TOP6BL: variants seen among roughly 807,000 people sequenced by gnomAD.
TOP6BL encodes TOP6B like initiator of meiotic double strand breaks, also known as type 2 DNA topoisomerase 6 subunit B-like.
the TOP6BL span, among the ~76,000 whole-genome samples, chr11:66,786,269 G>A: frequency 3.3e-5 from 5 of 151,560 alleles, no homozygotes; most frequent in South Asian, 8.3e-4. Context: ...CTGCACTGCA[G>A]CCTGGGTGAC....
chr11:66,837,098 A>G, the TOP6BL span, among the ~76,000 whole-genome samples: 1 of 152,192 alleles, frequency 6.6e-6, no homozygotes, highest in South Asian at 2.1e-4. Flanking sequence ...TTGACTTTTC[A>G]CTTTTGTTCA....
At chr11:66,808,117 G>T in the TOP6BL span, among the ~76,000 whole-genome samples, 1 of 152,196 alleles carries the variant, frequency 6.6e-6, no homozygotes, top group Non-Finnish European at 1.5e-5. Flanking sequence ...ACACACACAT[G>T]CACAGTCACA....
the TOP6BL span, chr11:66,756,267 C>T: frequency 1.0e-5 from 11 of 1,063,256 alleles, no homozygotes; most frequent in South Asian, 2.4e-5. Flanking sequence ...CAGGACCTCT[C>T]ATGTGCCAGT....
At chr11:66,842,949 G>A in the TOP6BL span, 1 of 1,555,394 alleles carries the variant, frequency 6.4e-7, no homozygotes, top group Non-Finnish European at 8.7e-7. Flanking sequence ...GCCCGTCAGA[G>A]GCCGCCCCGC....
At chr11:66,801,475 T>C in the TOP6BL span, among the ~76,000 whole-genome samples, 1 of 152,174 alleles carries the variant, frequency 6.6e-6, no homozygotes, top group Non-Finnish European at 1.5e-5. Flanking sequence ...TTATTTTCTG[T>C]GCATCAGCAT....
the TOP6BL span, chr11:66,796,353 G>A: frequency 6.2e-7 from 1 of 1,607,960 alleles, no homozygotes; most frequent in African/African-American, 1.3e-5. Context: ...AATCATCATG[G>A]TGCACCCTAA....
chr11:66,787,373 A>T, the TOP6BL span, among the ~76,000 whole-genome samples: 1 of 151,914 alleles, frequency 6.6e-6, no homozygotes, highest in African/African-American at 2.4e-5. Flanking sequence ...TTAGGTTTTT[A>T]AAGTTTAATT....
At chr11:66,815,830 G>T in the TOP6BL span, 189 of 432,906 alleles carry the variant, frequency 4.4e-4, no homozygotes, top group Non-Finnish European at 6.3e-4. Flanking sequence ...TGTTTGGCTT[G>T]CATTTTACAC....
the TOP6BL span, among the ~76,000 whole-genome samples, chr11:66,801,408 CT>C: frequency 6.6e-6 from 1 of 152,176 alleles, no homozygotes; most frequent in African/African-American, 2.4e-5. Flanking sequence ...GAATTTAAAA[CT>C]TTACTTGAAT....
the TOP6BL span, among the ~76,000 whole-genome samples, chr11:66,831,782 T>G: frequency 6.6e-6 from 1 of 151,794 alleles, no homozygotes; most frequent in Non-Finnish European, 1.5e-5. Context: ...GATCACGAGG[T>G]CAAGAGTTCA....
the TOP6BL span, among the ~76,000 whole-genome samples, chr11:66,802,760 T>G: frequency 1.3e-5 from 2 of 152,348 alleles, no homozygotes; most frequent in South Asian, 4.1e-4. Flanking sequence ...TTTTGTCATT[T>G]AATATGCAGG....
chr11:66,755,301 A>G, the TOP6BL span, among the ~76,000 whole-genome samples: 1 of 152,004 alleles, frequency 6.6e-6, no homozygotes, highest in Middle Eastern at 3.2e-3. Context: ...TTGTATTTTT[A>G]GTAGAAACGG....
chr11:66,745,077 A>G, the TOP6BL span, among the ~76,000 whole-genome samples: 2 of 152,114 alleles, frequency 1.3e-5, no homozygotes, highest in Admixed American at 1.3e-4. Flanking sequence ...GCGAGGAAGT[A>G]GGAGCAGATG....
the TOP6BL span, chr11:66,816,199 G>A: frequency 2.5e-6 from 4 of 1,608,150 alleles, no homozygotes; most frequent in Non-Finnish European, 8.5e-7. Flanking sequence ...GGAAATCTGG[G>A]GTAAGTATAA....
the TOP6BL span, among the ~76,000 whole-genome samples, chr11:66,776,103 G>A: frequency 6.6e-6 from 1 of 151,166 alleles, no homozygotes; most frequent in Admixed American, 6.6e-5. Flanking sequence ...CTGTCACCCA[G>A]GCTGGAGTGC....
the TOP6BL span, chr11:66,762,253 G>C: frequency 3.7e-6 from 2 of 540,276 alleles, no homozygotes; most frequent in East Asian, 3.4e-5. Context: ...CGCAGAACAC[G>C]CGCGCAAACT....
the TOP6BL span, chr11:66,813,723 A>G: frequency 4.3e-6 from 3 of 693,492 alleles, no homozygotes. Context: ...ACAGAGCGAG[A>G]CTCCATCTCA....
chr11:66,784,838 G>A, the TOP6BL span, among the ~76,000 whole-genome samples: 1 of 150,942 alleles, frequency 6.6e-6, no homozygotes, highest in East Asian at 1.9e-4. Flanking sequence ...CATGTACTAA[G>A]TTTTCTTTTA....
At chr11:66,842,002 T>C in the TOP6BL span, among the ~76,000 whole-genome samples, 1 of 152,062 alleles carries the variant, frequency 6.6e-6, no homozygotes, top group African/African-American at 2.4e-5. Flanking sequence ...AGCTTGAGAC[T>C]AGCCTGGGCA....
Sources: gnomAD v4.1 joint callset for allele counts (sites outside exome capture counted in the v4.1 genomes callset) on GRCh38, gnomAD v4.1.1 for gene constraint, MANE v1.5 for transcripts, NCBI Gene and HGNC (gene_info 2026-07-23, HGNC 2026-07-21) for gene names.